GREM2: variants seen among roughly 807,000 people sequenced by gnomAD.
GREM2 encodes the protein gremlin 2, DAN family BMP antagonist.
Under a neutral mutation model 14.2 loss-of-function variants are expected in GREM2, and 11 were observed. That is an observed-to-expected ratio of 0.78 (90% CI 0.49 to 1.28). GREM2 has a LOEUF of 1.28. Ranked by LOEUF, GREM2 falls within the 50% of genes most tolerant of loss-of-function variation. The probability of loss-of-function intolerance (pLI) is 0.00; values close to 1 mark genes in which losing one functional copy is unlikely to be tolerated. For synonymous variants in GREM2, 98 were observed against 97.6 expected (o/e 1.00, Z -0.02); for missense variants, 210 against 218.5 (o/e 0.96, Z 0.24).
intron 1 of GREM2, among the ~76,000 whole-genome samples, chr1:240,562,308 C>T (rs1679055810): frequency 6.6e-6 from 1 of 152,158 alleles, no homozygotes; most frequent in African/African-American, 2.4e-5. Context: ...TTCAACAAAT[C>T]TACAGTCGTG....
At chr1:240,603,525 C>A (rs1449654468) in intron 1 of GREM2, among the ~76,000 whole-genome samples, 5 of 152,072 alleles carry the variant, frequency 3.3e-5, no homozygotes, top group African/African-American at 1.2e-4. Context: ...CATCCATCTC[C>A]CCCTCCAGCA....
intron 1 of GREM2, among the ~76,000 whole-genome samples, chr1:240,568,613 A>C (rs376431378): frequency 2.0e-5 from 3 of 152,304 alleles, no homozygotes; most frequent in Admixed American, 1.3e-4. Context: ...ATAGGTTAAA[A>C]GTAAACAGAT....
intron 1 of GREM2, among the ~76,000 whole-genome samples, chr1:240,518,387 T>C (rs1025759020): frequency 1.3e-5 from 2 of 152,166 alleles, no homozygotes; most frequent in African/African-American, 4.8e-5. Context: ...TTATCATCAG[T>C]TGGAGAGATA....
chr1:240,533,764 T>C (rs1197062302), intron 1 of GREM2, among the ~76,000 whole-genome samples: 1 of 152,222 alleles, frequency 6.6e-6, no homozygotes, highest in Non-Finnish European at 1.5e-5. Context: ...TGAGATACCA[T>C]TGGCTGTGCC....
chr1:240,559,393 G>A (rs1278451836), intron 1 of GREM2, among the ~76,000 whole-genome samples: 1 of 148,342 alleles, frequency 6.7e-6, no homozygotes. Flanking sequence ...ACCCAGTGTG[G>A]AGGACAATGG....
rs182142299 is a variant in GREM2, at chr1:240,531,853, C to T, written c.-1-38377G>A. On this transcript the variant is annotated intron_variant, in intron 1 of 1. Transcript: ENST00000318160. ...CCTCCTGAGTAGCTGGGATTACAGG[C>T]GCCCGCCACCGTGCCCAGCTAGCTC... 4.8e-4 allele frequency among the ~76,000 whole-genome samples: 71 copies of T among 148,674 alleles called. 1 individual carries two copies. The East Asian group carries it at 0.012, about 25-fold the overall frequency.
rs34602345 is a variant in GREM2 at position 240,542,443 on chromosome 1, T to TAA, written c.-1-48969_-1-48968dup. On this transcript the variant is annotated intron_variant, in intron 1 of 1. Coordinates refer to ENST00000318160, the MANE Select transcript of GREM2 (RefSeq NM_022469.4). The surrounding 1 kb of genome is among the most constrained non-coding windows in gnomAD (Gnocchi z 4.1). ...AACATGGCGAAACCCCCATCTCTACTAAAAAAAAAAAAAAAAAAAAAATTA... is the reference window on the plus strand; with the variant it reads ...AACATGGCGAAACCCCCATCTCTACTAAAAAAAAAAAAAAAAAAAAAAAATTA... Among the ~76,000 whole-genome samples the TAA allele has an allele frequency of 3.5e-5, 4 of 113,318 alleles. No individual in the cohort carries two copies. Among genetic ancestry groups the TAA allele is most frequent in the South Asian group, 3.1e-4 (1 of 3,246 alleles). 74.3% of individuals were successfully genotyped at this position (113,318 alleles called of 152,430 possible).
At chr1:240,507,212 G>T (rs975831462) in intron 1 of GREM2, among the ~76,000 whole-genome samples, 1 of 152,186 alleles carries the variant, frequency 6.6e-6, no homozygotes, top group African/African-American at 2.4e-5. Flanking sequence ...AGAAAAGTGG[G>T]CTGAGAGTGA....
At chr1:240,493,510 A>G in intron 1 of GREM2, 34 bp from the exon 2 acceptor site, 2 of 1,553,204 alleles carry the variant, frequency 1.3e-6, no homozygotes, top group Non-Finnish European at 8.7e-7. Flanking sequence ...CTGGCTGTGA[A>G]GGGCCGTAGA....
chr1:240,582,797 C>CAAA (rs112575967), intron 1 of GREM2, among the ~76,000 whole-genome samples: 1 of 139,868 alleles, frequency 7.1e-6, no homozygotes, highest in African/African-American at 2.6e-5. Flanking sequence ...AACTCTGTCT[C>CAAA]AAAAAAAAAA....
chr1:240,539,134 C>T (rs754120408), intron 1 of GREM2, among the ~76,000 whole-genome samples: 5 of 152,200 alleles, frequency 3.3e-5, no homozygotes, highest in Non-Finnish European at 7.3e-5. Flanking sequence ...GCCTTGTGCA[C>T]TGAGCAACTT....
intron 1 of GREM2, among the ~76,000 whole-genome samples, chr1:240,552,684 C>T (rs574311825): frequency 4.5e-4 from 68 of 152,214 alleles, no homozygotes; most frequent in African/African-American, 1.5e-3. Context: ...TGTCTAGAGG[C>T]GAATGCAAGA....
chr1:240,599,734 C>G (rs1679884722), intron 1 of GREM2, among the ~76,000 whole-genome samples: 2 of 152,148 alleles, frequency 1.3e-5, no homozygotes, highest in African/African-American at 4.8e-5. Context: ...CACTTGAAAA[C>G]CTGGGAAGGG....
At chr1:240,548,361 T>G (rs1678779485) in intron 1 of GREM2, among the ~76,000 whole-genome samples, 1 of 152,190 alleles carries the variant, frequency 6.6e-6, no homozygotes, top group African/African-American at 2.4e-5. Flanking sequence ...GACTCTAAAA[T>G]TTTCTTCTTA....
At chr1:240,528,347 G>A (rs1220667705) in intron 1 of GREM2, among the ~76,000 whole-genome samples, 17 of 152,120 alleles carry the variant, frequency 1.1e-4, no homozygotes, top group Admixed American at 1.1e-3. Flanking sequence ...ATTTTACTAT[G>A]TGAATTTCAT....
intron 1 of GREM2, among the ~76,000 whole-genome samples, chr1:240,578,667 C>T (rs983402121): frequency 1.3e-5 from 2 of 151,914 alleles, no homozygotes; most frequent in Non-Finnish European, 2.9e-5. Context: ...CACCTGTAAT[C>T]CCTCTACTCG....
chr1:240,540,867 T>C lies in GREM2; in HGVS notation c.-1-47391A>G, dbSNP rs1380530613. On this transcript the variant is annotated intron_variant, in intron 1 of 1. Transcript: ENST00000318160. This position sits in a 1 kb window ranked among gnomAD's most constrained non-coding sequence, Gnocchi z 4.2. ...TGAGCCACCACGCCAGGCCGCATAATACTTCTTAAAAGAAGACAGTTACTA... is the reference window on the plus strand; with the variant it reads ...TGAGCCACCACGCCAGGCCGCATAACACTTCTTAAAAGAAGACAGTTACTA... Among the ~76,000 whole-genome samples, 1 of 152,112 alleles carries C rather than the reference T, an allele frequency of 6.6e-6. No individual in the cohort carries two copies. The highest frequency in any genetic ancestry group is 1.5e-5 in the Non-Finnish European group (1 of 68,014).
rs112348511 is a variant in GREM2, at chr1:240,493,488, A to C, written c.-1-12T>G. 6.3e-5 allele frequency: 101 copies of C among 1,592,380 alleles called. No individual in the cohort carries two copies. Among genetic ancestry groups the C allele is most frequent in the Non-Finnish European group, 7.9e-5 (92 of 1,168,550 alleles). On this transcript the variant is annotated splice_polypyrimidine_tract_variant and intron_variant, in intron 1 of 1. Transcript: ENST00000318160. ...GCTTCCAGAACATCCTGCAAACGAG[A>C]AAAGAGAGGGGCTGGCTGTGAAGGG... is the stretch of plus-strand genomic sequence containing the variant.
At chr1:240,571,094 A>AT (rs1201831244) in intron 1 of GREM2, among the ~76,000 whole-genome samples, 1 of 152,196 alleles carries the variant, frequency 6.6e-6, no homozygotes, top group Non-Finnish European at 1.5e-5. Flanking sequence ...AACCAGACAC[A>AT]TTTTTCATCT....
Sources: gnomAD v4.1 joint callset for allele counts (sites outside exome capture counted in the v4.1 genomes callset) on GRCh38, gnomAD v4.1.1 for gene constraint, Gnocchi (gnomAD v3.1) non-coding constraint, MANE v1.5 for transcripts, NCBI Gene and HGNC (gene_info 2026-07-23, HGNC 2026-07-21) for gene names.